The following SDK2 variants were observed in gnomAD, a reference collection of about 807,000 sequenced individuals.
SDK2 encodes the protein sidekick cell adhesion molecule 2.
In SDK2, 105 loss-of-function variants were observed where a neutral mutation model predicts 253.9. The ratio of observed to expected loss-of-function variants is 0.41; its 90% CI spans 0.35 to 0.49. The LOEUF is 0.49. Ranked by LOEUF, SDK2 falls within the 20% of genes least tolerant of loss-of-function variation. SDK2 has a pLI of 0.06. For synonymous variants in SDK2, 1,249 were observed against 1,234.9 expected (o/e 1.01, Z -0.24); for missense variants, 2,608 against 3,003.0 (o/e 0.87, Z 3.07).
intron 1 of SDK2, among the ~76,000 whole-genome samples, chr17:73,600,504 G>A (rs56368181): frequency 0.14 from 20,880 of 152,044 alleles, 1,615 homozygotes; most frequent in South Asian, 0.25. Flanking sequence ...CACCTAGGGG[G>A]ACACCCAGGG....
At chr17:73,450,875 G>A (rs2063485937) in intron 4 of SDK2, among the ~76,000 whole-genome samples, 1 of 152,218 alleles carries the variant, frequency 6.6e-6, no homozygotes, top group African/African-American at 2.4e-5. Flanking sequence ...GGCCCCAGAT[G>A]TCAAGAGCGC....
chr17:73,422,178 C>A, intron 15 of SDK2, 109 bp downstream of exon 15: 2 of 1,257,508 alleles, frequency 1.6e-6, no homozygotes, highest in African/African-American at 1.5e-5. Context: ...AGGCGGAAGC[C>A]TAGAGGGGGC....
chr17:73,571,328 G>A (rs34198944), intron 1 of SDK2, among the ~76,000 whole-genome samples: 40,754 of 151,986 alleles, frequency 0.27, 5,554 homozygotes, highest in South Asian at 0.35. Context: ...CCCAACCACC[G>A]GCTTCCTGCC....
intron 38 of SDK2, among the ~76,000 whole-genome samples, chr17:73,362,271 T>C (rs1459113366): frequency 6.6e-6 from 1 of 152,142 alleles, no homozygotes; most frequent in African/African-American, 2.4e-5. Context: ...AGGAAGTGCT[T>C]CCATAAAAAT....
intron 1 of SDK2, among the ~76,000 whole-genome samples, chr17:73,573,898 A>T (rs1035224482): frequency 6.6e-6 from 1 of 152,094 alleles, no homozygotes; most frequent in Non-Finnish European, 1.5e-5. Context: ...CCTGCCCTTT[A>T]TCCGGGCCTT....
intron 16 of SDK2, among the ~76,000 whole-genome samples, chr17:73,416,199 A>AATTTTTT (rs373187962): frequency 1.7e-4 from 20 of 120,312 alleles, no homozygotes; most frequent in Middle Eastern, 4.7e-3. Context: ...AATGAATTCA[A>AATTTTTT]TTTTTTTTTT....
intron 2 of SDK2, among the ~76,000 whole-genome samples, chr17:73,504,631 CAAAAAAAAAAAAAA>C (rs146981971): frequency 2.1e-5 from 1 of 47,030 alleles, no homozygotes; most frequent in Non-Finnish European, 3.6e-5. Context: ...GACTCTGTCT[CAAAAAAAAAAAAAA>C]AAAAAAAAAA....
At chr17:73,524,458 A>G (rs910515107) in intron 1 of SDK2, among the ~76,000 whole-genome samples, 3 of 152,146 alleles carry the variant, frequency 2.0e-5, no homozygotes, top group Admixed American at 1.3e-4. Flanking sequence ...TGGGATGTTT[A>G]GTATTCTTGG....
rs916827202 is a variant in SDK2, at chr17:73,609,805, A to G, written c.64+34220T>C. ...AAGTGGGAAAGAGAAGTTGCATGAG[A>G]ACCTCCAGAAAACCTCGAGAGCCCC... On this transcript the variant is annotated intron_variant, in intron 1 of 44. Coordinates refer to ENST00000392650, the MANE Select transcript of SDK2 (RefSeq NM_001144952.2). The surrounding 1 kb of genome is among the most constrained non-coding windows in gnomAD (Gnocchi z 4.4). 7.9e-5 allele frequency among the ~76,000 whole-genome samples: 12 copies of G among 152,164 alleles called. No homozygotes were observed. Among genetic ancestry groups the G allele is most frequent in the African/African-American group, 2.9e-4 (12 of 41,442 alleles).
intron 1 of SDK2, chr17:73,519,211 C>T (rs1354791719): frequency 6.6e-6 from 1 of 152,282 alleles, no homozygotes; most frequent in Non-Finnish European, 1.5e-5. Context: ...AGGACCAGCA[C>T]CCCAGAGCTC....
chr17:73,415,970 C>A lies in SDK2; in HGVS notation c.2209G>T (p.Val737Leu). The A allele has an allele frequency of 6.2e-7, 1 of 1,610,990 alleles. No individual in the cohort carries two copies. Among genetic ancestry groups the A allele is most frequent in the Non-Finnish European group, 8.5e-7 (1 of 1,178,824 alleles). Residue 737 changes from valine to leucine, a missense_variant, in exon 17 of 45, where the codon GTG (valine) becomes TTG (leucine). Physicochemically the swap from Val to Leu is conservative, Grantham distance 32. Transcript: ENST00000392650. ...GTGATGTTCTTAAACTGGTACCCCACGGGCAGCCCGGCCAGGCAGTACCTG... is the reference window on the plus strand; with the variant it reads ...GTGATGTTCTTAAACTGGTACCCCAAGGGCAGCCCGGCCAGGCAGTACCTG... ...IIRYCLAGLP[V>L]GYQFKNITDA...
In SDK2 at chr17:73,338,840, C is replaced by T. The variant is rs772438235; in HGVS notation, c.6266G>A (p.Arg2089Gln). The stretch of plus-strand genomic sequence containing the variant: ...TGCCCTCGAGATGCCCTTCTGCTGT[C>T]GCCGCCACGAGTTGTAGTATGTGGG... ...SDPTYYNSWR[R>Q]QQKGISRAQA... Residue 2089 changes from arginine to glutamine, a missense_variant, in exon 45 of 45, where the codon CGA becomes CAA. This residue lies in a region of SDK2 where 1,103 missense variants were observed against 1,143.9 expected (regional missense o/e 0.96). Coordinates refer to ENST00000392650, the MANE Select transcript of SDK2 (RefSeq NM_001144952.2). The surrounding 1 kb of genome is among the most constrained non-coding windows in gnomAD (Gnocchi z 5.0). 7.4e-6 allele frequency: 12 copies of T among 1,613,988 alleles called. No homozygotes were observed. Among genetic ancestry groups the T allele is most frequent in the East Asian group, 2.2e-5 (1 of 44,880 alleles).
chr17:73,345,561 T>A (rs1404528773), intron 44 of SDK2, among the ~76,000 whole-genome samples: 1 of 152,184 alleles, frequency 6.6e-6, no homozygotes, highest in Non-Finnish European at 1.5e-5. Flanking sequence ...AAATAGCTGT[T>A]GAGTAAATGC....
intron 1 of SDK2, among the ~76,000 whole-genome samples, chr17:73,636,562 T>A (rs953585417): frequency 5.0e-4 from 75 of 151,072 alleles, no homozygotes; most frequent in African/African-American, 1.7e-3. Context: ...GTGCCTGTAA[T>A]CCTAGCTACT....
intron 3 of SDK2, 115 bp downstream of exon 3, chr17:73,471,997 A>G: frequency 2.7e-6 from 2 of 733,490 alleles, no homozygotes; most frequent in Admixed American, 2.4e-5. Context: ...CACCATGGGC[A>G]CTCAGTGGGT....
At chr17:73,499,516 C>T (rs1186079686) in intron 2 of SDK2, among the ~76,000 whole-genome samples, 1 of 152,254 alleles carries the variant, frequency 6.6e-6, no homozygotes, top group Admixed American at 6.5e-5. Flanking sequence ...GCTGGTCTCA[C>T]ACCCTCACGC....
rs928826011 is a variant in SDK2 at position 73,481,600 on chromosome 17, G to A, written c.225-9382C>T. On this transcript the variant is annotated intron_variant, in intron 2 of 44. Coordinates refer to ENST00000392650, the MANE Select transcript of SDK2 (RefSeq NM_001144952.2). This position sits in a 1 kb window ranked among gnomAD's most constrained non-coding sequence, Gnocchi z 4.5. ...TGAAAGCCCTCTCCCCTCGCAGGAC[G>A]TAGCCGGATCCCTCACCAACGCAGG... Among the ~76,000 whole-genome samples the A allele has an allele frequency of 8.5e-5, 13 of 152,184 alleles. No homozygotes were observed. The highest frequency in any genetic ancestry group is 2.2e-4 in the African/African-American group (9 of 41,424).
intron 18 of SDK2, among the ~76,000 whole-genome samples, chr17:73,407,140 CT>C (rs1266269026): frequency 1.3e-5 from 2 of 152,198 alleles, no homozygotes; most frequent in African/African-American, 4.8e-5. Flanking sequence ...ACAACCATTT[CT>C]GGAATAAATG....
Position 73,401,211 on chromosome 17 carries a change from C to A in SDK2, c.2780G>T (p.Gly927Val). The A allele has an allele frequency of 6.5e-7, 1 of 1,544,966 alleles. No individual in the cohort carries two copies. The highest frequency in any genetic ancestry group is 8.8e-7 in the Non-Finnish European group (1 of 1,142,100). ...EPGEKNGILT[G>V]YRISWEEYNR... ...GTACTCCTCCCAGGAGATCCGGTAC[C>A]CTGGGGAGAGCCGCCGTGTTGGCAT... Residue 927 changes from glycine to valine, a missense_variant and splice_region_variant, in exon 21 of 45, where the codon GGG becomes GTG. Gly to Val is a moderately radical substitution (Grantham distance 109). Around this residue, in one of 2 missense-constraint regions of SDK2, gnomAD observed 1,505 missense variants for 1,859.1 expected, o/e 0.81. Coordinates refer to ENST00000392650, the MANE Select transcript of SDK2 (RefSeq NM_001144952.2).
Sources: allele counts gnomAD v4.1 joint callset (sites outside exome capture counted in the v4.1 genomes callset), GRCh38; gene constraint gnomAD v4.1.1; regional missense constraint gnomAD v4.1.1; non-coding constraint Gnocchi (gnomAD v3.1); transcripts MANE v1.5; gene names NCBI Gene and HGNC (gene_info 2026-07-23, HGNC 2026-07-21).